EPM2A: variants seen among roughly 807,000 people sequenced by gnomAD.
EPM2A encodes laforin.
In EPM2A, 21 loss-of-function variants were observed where a neutral mutation model predicts 26.5. The ratio of observed to expected loss-of-function variants is 0.79; its 90% CI spans 0.56 to 1.14. The LOEUF (loss-of-function observed/expected upper bound fraction) is 1.14. Among genes scored for constraint, EPM2A ranks in the 50% most tolerant of loss-of-function variants. EPM2A has a pLI of 0.00. For missense variants in EPM2A, 458 were observed against 440.8 expected (o/e 1.04, Z -0.35); for synonymous variants, 217 against 177.6 (o/e 1.22, Z -1.76).
Position 145,530,632 on chromosome 6 carries a change from T to C in EPM2A, c.341-28057A>G, listed in dbSNP as rs753541374. Among the ~76,000 whole-genome samples, 5 of 152,084 alleles carry C rather than the reference T, an allele frequency of 3.3e-5. No individual in the cohort carries two copies. The South Asian group carries it at 6.2e-4, about 19-fold the overall frequency. On this transcript the variant is annotated intron_variant, in intron 2 of 3. Coordinates refer to the EPM2A transcript ENST00000450221. ...GGATTATGTCTCCCATAAAGAGCCATTGTGAAGAGTAACTGAGATCACACC... is the reference window on the plus strand; with the variant it reads ...GGATTATGTCTCCCATAAAGAGCCACTGTGAAGAGTAACTGAGATCACACC...
chr6:145,703,312 C>T (rs1583086143), intron 1 of EPM2A, among the ~76,000 whole-genome samples: 3 of 151,956 alleles, frequency 2.0e-5, no homozygotes, highest in South Asian at 2.1e-4. Context: ...AGGGTGGTCT[C>T]GATCTCCTGA....
At chr6:145,438,397 A>G (rs887197435) in intron 4 of EPM2A, among the ~76,000 whole-genome samples, 11 of 152,068 alleles carry the variant, frequency 7.2e-5, no homozygotes, top group African/African-American at 2.7e-4. Flanking sequence ...AAGGCTGCAC[A>G]CAAAGGTAGG....
In EPM2A at chr6:145,613,563, A is replaced by G. The variant is rs118115796; in HGVS notation, c.340+21682T>C. On this transcript the variant is annotated intron_variant, in intron 2 of 3. Coordinates refer to the EPM2A transcript ENST00000450221. ...AGCTTTTTGAAATATTCCTTAAATA[A>G]TAAGACTTAAGGGTCAAAATTACTC... Among the ~76,000 whole-genome samples the G allele has an allele frequency of 9.6e-3, 1,465 of 152,356 alleles. 8 individuals are homozygous for G. The highest frequency in any genetic ancestry group is 0.024 in the Middle Eastern group (7 of 294).
downstream of EPM2A, among the ~76,000 whole-genome samples, chr6:145,497,038 T>C (rs1779831044): frequency 6.6e-6 from 1 of 152,210 alleles, no homozygotes; most frequent in Admixed American, 6.5e-5. Context: ...TTCCTATCCA[T>C]ATCCTGATTT....
intron 3 of EPM2A, among the ~76,000 whole-genome samples, chr6:145,632,898 G>A (rs924231827): frequency 8.5e-5 from 13 of 152,130 alleles, no homozygotes; most frequent in Non-Finnish European, 1.9e-4. Flanking sequence ...TCCATTAGTC[G>A]GTCTTACAGC....
chr6:145,596,236 T>C (rs1270469758), intron 2 of EPM2A, among the ~76,000 whole-genome samples: 1 of 152,248 alleles, frequency 6.6e-6, no homozygotes, highest in Non-Finnish European at 1.5e-5. Flanking sequence ...TATGTTTGTA[T>C]GATAGGTAAT....
At chr6:145,689,184 A>G (rs928468662) in intron 1 of EPM2A, among the ~76,000 whole-genome samples, 2 of 152,192 alleles carry the variant, frequency 1.3e-5, no homozygotes, top group Non-Finnish European at 2.9e-5. Flanking sequence ...CAACATTTTT[A>G]AAAGTCTTTC....
At chr6:145,470,910 A>G (rs11155422) in intron 4 of EPM2A, among the ~76,000 whole-genome samples, 10,729 of 152,216 alleles carry the variant, frequency 0.07, 1,109 homozygotes, top group African/African-American at 0.22. Flanking sequence ...CTACTCATTC[A>G]TATATCTGTG....
At chr6:145,505,847 T>TATGTGTAGTAA (rs1779965445) in intron 2 of EPM2A, among the ~76,000 whole-genome samples, 1 of 152,244 alleles carries the variant, frequency 6.6e-6, no homozygotes. Flanking sequence ...AATAAATGAA[T>TATGTGTAGTAA]GAAAAAGTTA....
At chr6:145,611,563 A>C (rs1398958286) in intron 2 of EPM2A, among the ~76,000 whole-genome samples, 1 of 152,088 alleles carries the variant, frequency 6.6e-6, no homozygotes, top group Admixed American at 6.6e-5. Flanking sequence ...ATATACTATA[A>C]ATAGAAAAAA....
At chr6:145,469,646 C>A (rs1044150270) in intron 4 of EPM2A, among the ~76,000 whole-genome samples, 1 of 152,016 alleles carries the variant, frequency 6.6e-6, no homozygotes, top group African/African-American at 2.4e-5. Context: ...TAGGGTCGTA[C>A]AATCCAGGAA....
intron 2 of EPM2A, among the ~76,000 whole-genome samples, chr6:145,617,745 C>G (rs1323940899): frequency 6.6e-6 from 1 of 152,108 alleles, no homozygotes; most frequent in Non-Finnish European, 1.5e-5. Context: ...TTGAGACCAG[C>G]CTGGGTGACA....
chr6:145,399,496 A>G (rs1313437858), intron 4 of EPM2A, among the ~76,000 whole-genome samples: 1 of 152,160 alleles, frequency 6.6e-6, no homozygotes, highest in African/African-American at 2.4e-5. Context: ...AGTGGCAGAA[A>G]CTCTGTGTGT....
At chr6:145,418,124 A>G (rs1191239558) in intron 4 of EPM2A, among the ~76,000 whole-genome samples, 1 of 152,148 alleles carries the variant, frequency 6.6e-6, no homozygotes, top group Non-Finnish European at 1.5e-5. Flanking sequence ...GCCATTGCAC[A>G]TTTCTGTTCT....
chr6:145,694,290 C>T (rs888418861), intron 1 of EPM2A, among the ~76,000 whole-genome samples: 13 of 151,978 alleles, frequency 8.6e-5, no homozygotes, highest in Non-Finnish European at 1.6e-4. Flanking sequence ...GTTACTACCT[C>T]GGAAGCTATT....
chr6:145,588,615 G>A (rs1245458916), intron 2 of EPM2A, among the ~76,000 whole-genome samples: 1 of 152,142 alleles, frequency 6.6e-6, no homozygotes. Context: ...TACATGCATT[G>A]TATAAAAACA....
intron 2 of EPM2A, among the ~76,000 whole-genome samples, chr6:145,657,045 A>G (rs1044017018): frequency 6.6e-6 from 1 of 151,914 alleles, no homozygotes; most frequent in Admixed American, 6.6e-5. Context: ...AAATTTGAAG[A>G]GCAAGAAATT....
chr6:145,524,898 T>A (rs1780249677), intron 2 of EPM2A, among the ~76,000 whole-genome samples: 1 of 152,176 alleles, frequency 6.6e-6, no homozygotes, highest in Non-Finnish European at 1.5e-5. Context: ...TCTTACAATT[T>A]GAGGTCTTAC....
intron 4 of EPM2A, among the ~76,000 whole-genome samples, chr6:145,482,501 A>C (rs553422496): frequency 4.6e-5 from 7 of 152,292 alleles, no homozygotes; most frequent in Admixed American, 2.6e-4. Context: ...ATGGATACCA[A>C]TAAAGAGCCT....
Sources: gnomAD v4.1 joint callset for allele counts (sites outside exome capture counted in the v4.1 genomes callset) on GRCh38, gnomAD v4.1.1 for gene constraint, MANE v1.5 for transcripts, NCBI Gene and HGNC (gene_info 2026-07-23, HGNC 2026-07-21) for gene names.